The following CNIH3 variants were observed in gnomAD, a reference collection of about 807,000 sequenced individuals.
CNIH3 encodes the protein protein cornichon homolog 3.
In CNIH3, 14 loss-of-function variants were observed where a neutral mutation model predicts 24.1. The ratio of observed to expected loss-of-function variants is 0.58; its 90% CI spans 0.38 to 0.91. The LOEUF is 0.91. CNIH3 is among the 40% of genes least tolerant of loss of function. The pLI is 0.00. For synonymous variants in CNIH3, 68 were observed against 73.8 expected, an observed-to-expected ratio of 0.92 and a Z score of 0.40; for missense variants, 178 against 196.8, an observed-to-expected ratio of 0.90 and a Z score of 0.57.
chr1:224,520,291 G>C (rs955105806), intron 1 of CNIH3, among the ~76,000 whole-genome samples: 1 of 152,238 alleles, frequency 6.6e-6, no homozygotes, highest in Admixed American at 6.5e-5. Flanking sequence ...AACACATTAA[G>C]CCTTATATAG....
At chr1:224,652,384 G>A (rs1016824156) in intron 1 of CNIH3, among the ~76,000 whole-genome samples, 14 of 152,172 alleles carry the variant, frequency 9.2e-5, no homozygotes, top group Admixed American at 3.9e-4. Context: ...GGTTTGATGA[G>A]TTGAGCAGGC....
chr1:224,702,786 A>T lies in CNIH3; in HGVS notation c.198+17943A>T, dbSNP rs183543429. On this transcript the variant is annotated intron_variant, in intron 3 of 5. Transcript: ENST00000272133. ...ATTCTGATGGCCTGCCAAGGTGGAGACTTCTACTAGAGACCTTGCAGACAC... is the reference window on the plus strand; with the variant it reads ...ATTCTGATGGCCTGCCAAGGTGGAGTCTTCTACTAGAGACCTTGCAGACAC... Among the ~76,000 whole-genome samples, 311 of 152,142 alleles carry T rather than the reference A, an allele frequency of 2.0e-3. 2 individuals carry two copies. Among genetic ancestry groups the T allele is most frequent in the African/African-American group, 7.2e-3 (299 of 41,496 alleles).
At position 224,617,016 on chromosome 1, in the gene CNIH3, C is replaced by T; in HGVS notation, c.-159C>T. 2 of 1,414,396 alleles carry T rather than the reference C, an allele frequency of 1.4e-6. No homozygotes were observed. The highest frequency in any genetic ancestry group is 3.5e-5 in the South Asian group (2 of 56,922). 87.6% of individuals were successfully genotyped at this position (1,414,396 alleles called of 1,614,324 possible). A position where few individuals can be genotyped will look rare whatever the true frequency, so the allele number is the denominator to read the frequency against. On this transcript the variant is annotated 5_prime_UTR_variant, in exon 1 of 6. Transcript: ENST00000272133. ...CCTGCGGGAATCCAGCGCTTATTCG[C>T]TGACCCTCGAGTCGCTTCGCTAGCT...
At chr1:224,738,488 G>A (rs1238310757) in intron 5 of CNIH3, among the ~76,000 whole-genome samples, 1 of 152,134 alleles carries the variant, frequency 6.6e-6, no homozygotes, top group Non-Finnish European at 1.5e-5. Flanking sequence ...GGAGCTCATT[G>A]GGCATCCACA....
At chr1:224,734,027 C>T (rs1689469721) in intron 4 of CNIH3, among the ~76,000 whole-genome samples, 1 of 152,220 alleles carries the variant, frequency 6.6e-6, no homozygotes, top group Non-Finnish European at 1.5e-5. Flanking sequence ...AGCTGCCGTC[C>T]AGGGCACGCT....
intron 4 of CNIH3, among the ~76,000 whole-genome samples, chr1:224,576,260 C>A (rs549166754): frequency 7.2e-5 from 11 of 152,226 alleles, no homozygotes; most frequent in Admixed American, 6.5e-4. Flanking sequence ...AAGAGACAGT[C>A]AATATACATG....
intron 4 of CNIH3, 189 bp downstream of exon 4, chr1:224,730,763 T>C (rs1468206600): frequency 7.4e-6 from 4 of 538,738 alleles, no homozygotes; most frequent in African/African-American, 3.8e-5. Flanking sequence ...AGGCCCTTTT[T>C]GTTGGTTTCA....
rs377543609 is a variant in CNIH3, at chr1:224,673,488, G to A, written c.82-7470G>A. Among the ~76,000 whole-genome samples the A allele has an allele frequency of 7.2e-5, 11 of 152,140 alleles. No individual in the cohort carries two copies. In the East Asian group the frequency reaches 1.7e-3, roughly 24 times the overall value. ...TTCTGGCATCTGCAGCATAATTTCCGTTTCTGGAAATTTCTTCCCAGACCT... is the reference window on the plus strand; with the variant it reads ...TTCTGGCATCTGCAGCATAATTTCCATTTCTGGAAATTTCTTCCCAGACCT... On this transcript the variant is annotated intron_variant, in intron 1 of 5. Transcript: ENST00000272133.
chr1:224,698,264 C>T (rs984165053), intron 3 of CNIH3, among the ~76,000 whole-genome samples: 15 of 152,190 alleles, frequency 9.9e-5, no homozygotes, highest in Non-Finnish European at 2.9e-5. Context: ...ACAGAAAAGC[C>T]ATCCTGTTTC....
intron 5 of CNIH3, 108 bp from the exon 6 acceptor site, chr1:224,739,221 G>T (rs1000618494): frequency 2.6e-6 from 4 of 1,519,938 alleles, no homozygotes; most frequent in Non-Finnish European, 3.5e-6. Flanking sequence ...AAGCCAAGGG[G>T]TCTGGCCTCT....
intron 1 of CNIH3, among the ~76,000 whole-genome samples, chr1:224,464,080 C>T (rs7365151): frequency 0.79 from 119,291 of 151,894 alleles, 47,085 homozygotes; most frequent in East Asian, 0.99. Flanking sequence ...TGAGCCACCG[C>T]GCTCGACCTG....
intron 1 of CNIH3, among the ~76,000 whole-genome samples, chr1:224,495,218 C>T (rs1677388171): frequency 6.6e-6 from 1 of 152,166 alleles, no homozygotes; most frequent in South Asian, 2.1e-4. Flanking sequence ...GACTACCTCA[C>T]ACAATGAGCC....
At chr1:224,512,433 T>C (rs1024679035), upstream of CNIH3, among the ~76,000 whole-genome samples, 1 of 152,176 alleles carries the variant, frequency 6.6e-6, no homozygotes, top group African/African-American at 2.4e-5. Flanking sequence ...TGAACTATGA[T>C]GGTGCCTCTG....
chr1:224,630,383 G>A (rs1267842494), intron 1 of CNIH3, among the ~76,000 whole-genome samples: 1 of 152,080 alleles, frequency 6.6e-6, no homozygotes. Context: ...TAGGTTGTTA[G>A]CTCACTGGGA....
intron 3 of CNIH3, among the ~76,000 whole-genome samples, chr1:224,685,722 A>G (rs182844715): frequency 6.6e-6 from 1 of 152,262 alleles, no homozygotes; most frequent in East Asian, 1.9e-4. Context: ...TTTTTTCTGT[A>G]TTTCAGTAAT....
chr1:224,719,090 G>A (rs1415813386), intron 3 of CNIH3: 1 of 152,210 alleles, frequency 6.6e-6, no homozygotes, highest in Non-Finnish European at 1.5e-5. Context: ...ACACCTCATA[G>A]TAGGCTCTTG....
chr1:224,623,520 C>T (rs919117215), intron 1 of CNIH3, among the ~76,000 whole-genome samples: 3 of 152,100 alleles, frequency 2.0e-5, no homozygotes, highest in Non-Finnish European at 2.9e-5. Context: ...CTTCAGCTTC[C>T]ACAACACTGT....
At position 224,446,212 on chromosome 1, in the gene CNIH3, G is replaced by GTT. The variant is rs35812016; in HGVS notation, n.203+11367_203+11368dup. ...TTGGTAGTATAATTATTTCAACTTT[G>GTT]TTTTTTTTTTTTTTTTTTGTCAGTA... On this transcript the variant is annotated intron_variant and non_coding_transcript_variant, in intron 1 of 5. Transcript: ENST00000471578. 7.0e-3 allele frequency among the ~76,000 whole-genome samples: 767 copies of GTT among 108,870 alleles called. 9 individuals are homozygous for GTT. The highest frequency in any genetic ancestry group is 0.022 in the African/African-American group (657 of 30,408). 71.4% of individuals were successfully genotyped at this position (108,870 alleles called of 152,430 possible).
intron 5 of CNIH3, chr1:224,587,385 G>A (rs1572531177): frequency 6.6e-6 from 1 of 152,526 alleles, no homozygotes; most frequent in East Asian, 1.9e-4. Context: ...AGGGGACAGT[G>A]TGTGGACCAC....
Sources: gnomAD v4.1 joint callset for allele counts (sites outside exome capture counted in the v4.1 genomes callset) on GRCh38, gnomAD v4.1.1 for gene constraint, MANE v1.5 for transcripts, NCBI Gene and HGNC (gene_info 2026-07-23, HGNC 2026-07-21) for gene names.